Variants in LGR5 observed in about 807,000 individuals in gnomAD.
LGR5 encodes the protein leucine rich repeat containing G protein-coupled receptor 5.
A neutral mutation model predicts 76.7 loss-of-function variants in LGR5; 54 were observed. The observed-to-expected ratio is 0.70, with a 90% CI of 0.57 to 0.88. The LOEUF (loss-of-function observed/expected upper bound fraction) is 0.88, where lower values mean the gene tolerates loss of function less well. LGR5 is among the 40% of genes least tolerant of loss of function. The pLI, the probability that LGR5 is intolerant of heterozygous loss-of-function variation, is 0.00. For synonymous variants in LGR5, 406 were observed against 421.9 expected, an observed-to-expected ratio of 0.96 and a Z score of 0.46; for missense variants, 1,078 against 1,073.3, an observed-to-expected ratio of 1.00 and a Z score of -0.06.
At position 71,488,664 on chromosome 12, in the gene LGR5, A is replaced by G. The variant is rs998444519; in HGVS notation, c.213-15950A>G. On this transcript the variant is annotated intron_variant, in intron 1 of 17. Coordinates refer to ENST00000266674, the MANE Select transcript of LGR5 (RefSeq NM_003667.4). ...GAGATACATGAGGCTCTATTTTCAAAGACACGGGTCTCCTTGTTATTATTT... is the reference window on the plus strand; with the variant it reads ...GAGATACATGAGGCTCTATTTTCAAGGACACGGGTCTCCTTGTTATTATTT... Among the ~76,000 whole-genome samples the G allele has an allele frequency of 5.2e-4, 79 of 152,358 alleles. 2 individuals carry two copies. Among genetic ancestry groups the G allele is most frequent in the South Asian group, 4.3e-3 (21 of 4,830 alleles).
intron 1 of LGR5, among the ~76,000 whole-genome samples, chr12:71,446,381 T>A (rs770187910): frequency 7.9e-5 from 12 of 152,220 alleles, no homozygotes; most frequent in Non-Finnish European, 1.8e-4. Context: ...TCATAATAAC[T>A]GATAGTTGTA....
intron 4 of LGR5, among the ~76,000 whole-genome samples, chr12:71,544,376 A>G (rs1165560038): frequency 4.0e-5 from 5 of 126,296 alleles, no homozygotes; most frequent in Non-Finnish European, 7.8e-5. Context: ...TTTTCTTCCT[A>G]CTGGCCTCAT....
chr12:71,583,557 G>A (rs915066506), intron 17 of LGR5, 90 bp from the exon 18 acceptor site: 26 of 1,417,040 alleles, frequency 1.8e-5, no homozygotes, highest in Non-Finnish European at 2.4e-5. Flanking sequence ...ATTATCTCTT[G>A]GCATCCTAAA....
At chr12:71,444,213 T>G (rs183585871) in intron 1 of LGR5, among the ~76,000 whole-genome samples, 7 of 152,232 alleles carry the variant, frequency 4.6e-5, no homozygotes, top group African/African-American at 1.7e-4. Flanking sequence ...GTAACTCTTA[T>G]AACAGCCTTA....
chr12:71,454,511 C>T (rs1194280092), intron 1 of LGR5, among the ~76,000 whole-genome samples: 1 of 152,100 alleles, frequency 6.6e-6, no homozygotes, highest in Non-Finnish European at 1.5e-5. Flanking sequence ...AAAGGGAAAT[C>T]CTTCAAGTGG....
chr12:71,538,666 C>T (rs35765212), intron 4 of LGR5, among the ~76,000 whole-genome samples: 14,814 of 152,082 alleles, frequency 0.097, 754 homozygotes, highest in South Asian at 0.11. Flanking sequence ...TTGAGTAATG[C>T]AGTGAGATGC....
At chr12:71,569,142 C>A (rs1368232539) in intron 11 of LGR5, among the ~76,000 whole-genome samples, 1 of 152,138 alleles carries the variant, frequency 6.6e-6, no homozygotes, top group Non-Finnish European at 1.5e-5. Flanking sequence ...CTTCCTTACA[C>A]CTTATACAAA....
chr12:71,506,217 G>A (rs1019903977), intron 2 of LGR5, among the ~76,000 whole-genome samples: 5 of 152,038 alleles, frequency 3.3e-5, no homozygotes, highest in African/African-American at 1.2e-4. Flanking sequence ...AGACAGCCCT[G>A]TTTACCCCCA....
At chr12:71,448,277 G>A (rs1022900788) in intron 1 of LGR5, 18 of 152,028 alleles carry the variant, frequency 1.2e-4, no homozygotes, top group African/African-American at 4.3e-4. Context: ...AAAAGATGTC[G>A]ATTTGTAAAA....
intron 11 of LGR5, 60 bp from the exon 12 acceptor site, chr12:71,571,454 C>A: frequency 7.9e-7 from 1 of 1,260,514 alleles, no homozygotes; most frequent in Non-Finnish European, 1.1e-6. Flanking sequence ...GAGAGCAAAG[C>A]ATGTTTCTTT....
chr12:71,577,121 A>T (rs1306035737), intron 13 of LGR5, among the ~76,000 whole-genome samples: 1 of 151,284 alleles, frequency 6.6e-6, no homozygotes, highest in Non-Finnish European at 1.5e-5. Context: ...CACTTAAGAA[A>T]AGTTGACTTT....
At chr12:71,493,943 ATT>A (rs547681278) in intron 1 of LGR5, among the ~76,000 whole-genome samples, 8,727 of 116,410 alleles carry the variant, frequency 0.075, 344 homozygotes, top group Non-Finnish European at 0.084. Context: ...TAATTTTTTG[ATT>A]TTTTTTTTTT....
chr12:71,530,996 GAAAAA>G (rs35134425), intron 3 of LGR5, among the ~76,000 whole-genome samples: 1 of 138,662 alleles, frequency 7.2e-6, no homozygotes, highest in Non-Finnish European at 1.5e-5. Context: ...GTCCTGTTGG[GAAAAA>G]AAAAAAAAAA....
chr12:71,492,300 A>T (rs1259295091), intron 1 of LGR5, among the ~76,000 whole-genome samples: 3 of 152,188 alleles, frequency 2.0e-5, no homozygotes, highest in African/African-American at 4.8e-5. Flanking sequence ...CTTAGGTTAG[A>T]AAGCAAATCT....
chr12:71,492,933 C>T (rs1592487270), intron 1 of LGR5, among the ~76,000 whole-genome samples: 1 of 151,370 alleles, frequency 6.6e-6, no homozygotes. Context: ...ACCATGATGA[C>T]TAATTCAGCT....
chr12:71,475,000 G>T (rs1280666636), intron 1 of LGR5, among the ~76,000 whole-genome samples: 1 of 152,144 alleles, frequency 6.6e-6, no homozygotes, highest in African/African-American at 2.4e-5. Context: ...GAGGGCTTCT[G>T]CTTTAATCTG....
At chr12:71,583,435 G>A in intron 17 of LGR5, 2 of 557,934 alleles carry the variant, frequency 3.6e-6, no homozygotes, top group Non-Finnish European at 6.3e-6. Context: ...CCCTGGAACA[G>A]GAGCACCGGG....
At chr12:71,581,585 C>A (rs986774835) in intron 16 of LGR5, among the ~76,000 whole-genome samples, 1 of 152,210 alleles carries the variant, frequency 6.6e-6, no homozygotes, top group Non-Finnish European at 1.5e-5. Flanking sequence ...TTGGTCCTTG[C>A]CTTTTTTGTT....
chr12:71,570,222 G>A (rs998917476), intron 11 of LGR5, among the ~76,000 whole-genome samples: 1 of 152,174 alleles, frequency 6.6e-6, no homozygotes, highest in Non-Finnish European at 1.5e-5. Flanking sequence ...TAATACCTAG[G>A]TGATGGGCTG....
Sources: gnomAD v4.1 joint callset for allele counts (sites outside exome capture counted in the v4.1 genomes callset) on GRCh38, gnomAD v4.1.1 for gene constraint, MANE v1.5 for transcripts, NCBI Gene and HGNC (gene_info 2026-07-23, HGNC 2026-07-21) for gene names.